PCDHGA4: variants seen among roughly 807,000 people sequenced by gnomAD.
PCDHGA4 encodes the protein protocadherin gamma subfamily A, 4.
Under a neutral mutation model 54.6 loss-of-function variants are expected in PCDHGA4, and 38 were observed. The ratio of observed to expected loss-of-function variants is 0.70; its 90% CI spans 0.54 to 0.91. PCDHGA4 has a LOEUF of 0.91. Among genes scored for constraint, PCDHGA4 ranks in the 40% least tolerant of loss-of-function variants. The probability of loss-of-function intolerance (pLI) is 0.00; values close to 1 mark genes in which losing one functional copy is unlikely to be tolerated. For missense variants in PCDHGA4, 1,298 were observed against 1,220.9 expected (o/e 1.06, Z -0.94); for synonymous variants, 511 against 512.9 (o/e 1.00, Z 0.05).
intron 1 of PCDHGA4, chr5:141,426,302 A>G (rs1590676929): frequency 1.2e-5 from 2 of 172,322 alleles, no homozygotes; most frequent in East Asian, 1.4e-4. Context: ...AACAGGGTGA[A>G]GCAGAGAAGC....
In PCDHGA4 at chr5:141,477,362, G is replaced by T. The variant is rs920445601; in HGVS notation, c.2515-17445G>T. 6.2e-7 allele frequency: 1 copy of T among 1,614,142 alleles called. No individual in the cohort carries two copies. The highest frequency in any genetic ancestry group is 1.3e-5 in the African/African-American group (1 of 75,022). On this transcript the variant is annotated intron_variant, in intron 1 of 3. Coordinates refer to ENST00000571252, the MANE Select transcript of PCDHGA4 (RefSeq NM_018917.4). The surrounding 1 kb of genome is among the most constrained non-coding windows in gnomAD (Gnocchi z 4.9). ...CACTTTGAAAACCAGTGCAGACCTG[G>T]ATCGGGAGACTGTGCCAGAATACAA...
intron 1 of PCDHGA4, among the ~76,000 whole-genome samples, chr5:141,447,104 A>G (rs1212797996): frequency 2.0e-5 from 3 of 151,958 alleles, no homozygotes; most frequent in African/African-American, 7.3e-5. Flanking sequence ...TCACATGATT[A>G]TATGTGCTCC....
Position 141,383,071 on chromosome 5 carries a change from G to C in PCDHGA4, c.2514+25450G>C. ...CAAGGACCTGGGGCTGGAGCCCCGGGAGCTGGCGGAGCGCGGAGTCCGCAT... is the reference window on the plus strand; with the variant it reads ...CAAGGACCTGGGGCTGGAGCCCCGGCAGCTGGCGGAGCGCGGAGTCCGCAT... On this transcript the variant is annotated intron_variant, in intron 1 of 3. Coordinates refer to ENST00000571252, the MANE Select transcript of PCDHGA4 (RefSeq NM_018917.4). The C allele has an allele frequency of 1.9e-6, 3 of 1,613,916 alleles. No homozygotes were observed. The South Asian group carries it at 3.3e-5, about 18-fold the overall frequency.
rs1239819911 is a variant in PCDHGA4, at chr5:141,357,513, C to T, written c.2406C>T (p.Ser802=). 2.5e-6 allele frequency: 4 copies of T among 1,614,122 alleles called. No homozygotes were observed. Among genetic ancestry groups the T allele is most frequent in the East Asian group, 2.2e-5 (1 of 44,900 alleles). ...CGCGGAAGAGTCACCTGATCTTCTC[C>T]CAACCCAGCTATGCAGACACGCTCA... ...ADSRKSHLIF[S]QPSYADTLIS... is the part of the protein sequence containing the mutation. Residue 802 remains serine, a synonymous_variant, in exon 1 of 4, where the codon TCC becomes TCT. Transcript: ENST00000571252.
chr5:141,494,491 T>C (rs2099754727), intron 1 of PCDHGA4, among the ~76,000 whole-genome samples: 1 of 152,150 alleles, frequency 6.6e-6, no homozygotes, highest in Admixed American at 6.5e-5. Context: ...AGAAGATGCC[T>C]TCAGTCCTTG....
At chr5:141,484,873 G>A (rs754469397) in intron 1 of PCDHGA4, 50 of 322,006 alleles carry the variant, frequency 1.6e-4, no homozygotes, top group Non-Finnish European at 2.5e-4. Flanking sequence ...GAGCGTGGAG[G>A]ATAGGGTGGG....
intron 1 of PCDHGA4, chr5:141,377,686 C>T (rs766172227): frequency 1.1e-4 from 16 of 151,986 alleles, no homozygotes; most frequent in African/African-American, 2.9e-4. Context: ...AGATCTTTCA[C>T]CTTTACTACT....
At chr5:141,423,826 A>G (rs1324911075) in intron 1 of PCDHGA4, 21 of 1,275,178 alleles carry the variant, frequency 1.6e-5, no homozygotes, top group Middle Eastern at 2.2e-4. Flanking sequence ...TTTGCCTTTC[A>G]TGAGATTACG....
chr5:141,430,493 C>G (rs1232369484), intron 1 of PCDHGA4: 1 of 285,344 alleles, frequency 3.5e-6, no homozygotes, highest in African/African-American at 2.2e-5. Flanking sequence ...ACGAAATATC[C>G]TTTCTGGGAG....
In PCDHGA4 at chr5:141,371,048, C is replaced by T. The variant is rs1458695026; in HGVS notation, c.2514+13427C>T. 2.5e-6 allele frequency: 4 copies of T among 1,613,772 alleles called. No homozygotes were observed. In the Admixed American group the frequency reaches 6.7e-5, roughly 27 times the overall value. On this transcript the variant is annotated intron_variant, in intron 1 of 3. Coordinates refer to ENST00000571252, the MANE Select transcript of PCDHGA4 (RefSeq NM_018917.4). ...TGGTCCTCACAGCTGTGGATGGGGG[C>T]GAGCCCTCCAGAAGCTGTACCACCC...
intron 1 of PCDHGA4, among the ~76,000 whole-genome samples, chr5:141,450,829 A>AT (rs373424450): frequency 7.2e-4 from 97 of 135,128 alleles, no homozygotes; most frequent in East Asian, 1.8e-3. Flanking sequence ...TATTATTATT[A>AT]TTTTTTTTTT....
chr5:141,422,447 C>G, intron 1 of PCDHGA4: 2 of 1,610,922 alleles, frequency 1.2e-6, no homozygotes, highest in Non-Finnish European at 1.7e-6. Flanking sequence ...AAATTGATAA[C>G]AAGCAGAGTG....
intron 2 of PCDHGA4, among the ~76,000 whole-genome samples, chr5:141,501,877 A>G (rs1267260445): frequency 1.3e-5 from 2 of 151,690 alleles, no homozygotes; most frequent in East Asian, 3.9e-4. Flanking sequence ...GCCTCCTTAC[A>G]CTCCTGATCA....
chr5:141,409,023 A>G, intron 1 of PCDHGA4: 4 of 1,614,044 alleles, frequency 2.5e-6, no homozygotes, highest in Non-Finnish European at 3.4e-6. Flanking sequence ...GAGGGGGTCA[A>G]TGCTGAGATA....
chr5:141,366,709 G>A, intron 1 of PCDHGA4: 5 of 1,614,228 alleles, frequency 3.1e-6, no homozygotes, highest in Non-Finnish European at 4.2e-6. Context: ...CTCTTCTGAT[G>A]TCTGATAAGG....
intron 1 of PCDHGA4, chr5:141,418,093 C>T: frequency 6.2e-7 from 1 of 1,614,032 alleles, no homozygotes; most frequent in East Asian, 2.2e-5. Flanking sequence ...TCAGCGTAGA[C>T]GCGCAGAGCG....
intron 1 of PCDHGA4, chr5:141,441,480 T>A (rs1679700290): frequency 5.9e-6 from 1 of 170,298 alleles, no homozygotes. Flanking sequence ...CCAACGACAA[T>A]GCTCTGGTTT....
chr5:141,432,482 G>T lies in PCDHGA4; in HGVS notation c.2515-62325G>T, dbSNP rs768206517. 2.5e-6 allele frequency: 4 copies of T among 1,614,060 alleles called. No individual in the cohort carries two copies. Among genetic ancestry groups the T allele is most frequent in the Non-Finnish European group, 3.4e-6 (4 of 1,180,052 alleles). ...CCTCCCCACGGACGGTTCCACTGGC[G>T]TGGAGCTGGCTCCCCGCTCCGCAGA... On this transcript the variant is annotated intron_variant, in intron 1 of 3. Transcript: ENST00000571252. The surrounding 1 kb of genome is among the most constrained non-coding windows in gnomAD (Gnocchi z 6.0).
At position 141,487,621 on chromosome 5, in the gene PCDHGA4, A is replaced by G; in HGVS notation, c.2515-7186A>G. The G allele has an allele frequency of 6.2e-7, 1 of 1,614,164 alleles. No individual in the cohort carries two copies. On this transcript the variant is annotated intron_variant, in intron 1 of 3. Transcript: ENST00000571252. This position sits in a 1 kb window ranked among gnomAD's most constrained non-coding sequence, Gnocchi z 5.0. ...ATCTTCTCTATGGGCTAGAGGTGAG[A>G]CCTTTGCAGGCTCAACAAATGCTTG... is the stretch of plus-strand genomic sequence containing the variant.
Sources: allele counts gnomAD v4.1 joint callset (sites outside exome capture counted in the v4.1 genomes callset), GRCh38; gene constraint gnomAD v4.1.1; non-coding constraint Gnocchi (gnomAD v3.1); transcripts MANE v1.5; gene names NCBI Gene and HGNC (gene_info 2026-07-23, HGNC 2026-07-21).